The following CLEC16A variants were observed in gnomAD, a reference collection of about 807,000 sequenced individuals.
CLEC16A encodes protein CLEC16A.
In CLEC16A, 51 loss-of-function variants were observed where a neutral mutation model predicts 109.5. The observed-to-expected ratio is 0.47, with a 90% CI of 0.37 to 0.59. The LOEUF (loss-of-function observed/expected upper bound fraction) is 0.59. Among genes scored for constraint, CLEC16A ranks in the 20% least tolerant of loss-of-function variants. The pLI, the probability that CLEC16A is intolerant of heterozygous loss-of-function variation, is 0.00. For missense variants in CLEC16A, 1,339 were observed against 1,394.0 expected (o/e 0.96, Z 0.63); for synonymous variants, 673 against 564.2 (o/e 1.19, Z -2.73).
At chr16:11,023,175 T>A (rs1421888693) in intron 12 of CLEC16A, among the ~76,000 whole-genome samples, 1 of 150,876 alleles carries the variant, frequency 6.6e-6, no homozygotes, top group Non-Finnish European at 1.5e-5. Flanking sequence ...GACCGTATTG[T>A]GTCTATAATT....
At position 11,120,753 on chromosome 16, in the gene CLEC16A, C is replaced by G. The variant is rs771449411; in HGVS notation, c.2255C>G (p.Ala752Gly). The G allele has an allele frequency of 3.9e-6, 6 of 1,556,578 alleles. No homozygotes were observed. The highest frequency in any genetic ancestry group is 2.4e-5 in the East Asian group (1 of 42,212). Residue 752 changes from alanine to glycine, a missense_variant, in exon 20 of 24, where the codon GCA becomes GGA. This residue lies in a region of CLEC16A where 1,061 missense variants were observed against 1,006.8 expected (regional missense o/e 1.05). Coordinates refer to ENST00000409790, the MANE Select transcript of CLEC16A (RefSeq NM_015226.3). ...CTTGGCTGGGGAGTGGTCAAGTTTG[C>G]AGGCCTATTGCAGGTAAGATGGCCA... ...SRLGWGVVKF[A>G]GLLQDMQVTG...
intron 19 of CLEC16A, among the ~76,000 whole-genome samples, chr16:11,111,982 A>T (rs1346375140): frequency 1.3e-5 from 2 of 152,252 alleles, no homozygotes; most frequent in Non-Finnish European, 2.9e-5. Flanking sequence ...TTGTAGCAAA[A>T]GCTTCTAAAC....
intron 22 of CLEC16A, among the ~76,000 whole-genome samples, chr16:11,153,367 T>C (rs1207817356): frequency 6.6e-6 from 1 of 152,102 alleles, no homozygotes; most frequent in South Asian, 2.1e-4. Flanking sequence ...CTAAGGTTTT[T>C]ATGACCCCTG....
intron 22 of CLEC16A, among the ~76,000 whole-genome samples, chr16:11,163,223 C>T (rs534727548): frequency 6.6e-6 from 1 of 152,218 alleles, no homozygotes; most frequent in Admixed American, 6.5e-5. Flanking sequence ...CAGCACCCTC[C>T]TGATTCTCTG....
chr16:11,037,189 CAG>C, intron 13 of CLEC16A, among the ~76,000 whole-genome samples: 1 of 152,336 alleles, frequency 6.6e-6, no homozygotes, highest in East Asian at 1.9e-4. Context: ...CCCAGGGACA[CAG>C]AGGGGTGGCT....
At chr16:11,044,117 A>G in intron 16 of CLEC16A, 45 bp downstream of exon 16, 1 of 1,541,194 alleles carries the variant, frequency 6.5e-7, no homozygotes, top group African/African-American at 1.4e-5. Context: ...TGTGTATTGT[A>G]GAAACAGAAG....
At chr16:10,972,897 T>C in intron 6 of CLEC16A, 41 bp from the exon 7 acceptor site, 2 of 1,550,174 alleles carry the variant, frequency 1.3e-6, no homozygotes, top group Non-Finnish European at 8.7e-7. Flanking sequence ...CAAGTTATTT[T>C]TGGTAGCTTG....
chr16:11,022,757 G>A (rs866608338), intron 12 of CLEC16A, among the ~76,000 whole-genome samples: 2 of 151,760 alleles, frequency 1.3e-5, no homozygotes, highest in African/African-American at 4.8e-5. Flanking sequence ...AAATTAGCTG[G>A]GCGTGGTGGC....
rs1328753027 is a variant in CLEC16A at position 11,039,682 on chromosome 16, T to G, written c.1538-72T>G. 2.6e-6 allele frequency: 4 copies of G among 1,523,100 alleles called. No homozygotes were observed. In the South Asian group the frequency reaches 5.1e-5, roughly 19 times the overall value. 94.3% of individuals were successfully genotyped at this position (1,523,100 alleles called of 1,614,324 possible). On this transcript the variant is annotated intron_variant, in intron 13 of 23. Transcript: ENST00000409790. ...GGCTGAAGTTGAGGAAACCCCACTC[T>G]ACAGGACCTTTCGGTATGAGGAGGT...
chr16:11,037,126 C>T lies in CLEC16A; in HGVS notation c.1538-2628C>T, dbSNP rs140459822. Among the ~76,000 whole-genome samples, 23 of 152,320 alleles carry T rather than the reference C, an allele frequency of 1.5e-4. No homozygotes were observed. The East Asian group carries it at 2.7e-3, about 18-fold the overall frequency. On this transcript the variant is annotated intron_variant, in intron 13 of 23. Coordinates refer to ENST00000409790, the MANE Select transcript of CLEC16A (RefSeq NM_015226.3). ...AAACAAAGTTCCTCCCGCACCCCACCGCTAGGCTTCTCATTCCTGCTGTAC... is the reference window on the plus strand; with the variant it reads ...AAACAAAGTTCCTCCCGCACCCCACTGCTAGGCTTCTCATTCCTGCTGTAC...
chr16:11,136,770 A>G (rs894106058), intron 22 of CLEC16A, among the ~76,000 whole-genome samples: 3 of 152,200 alleles, frequency 2.0e-5, no homozygotes, highest in Admixed American at 1.3e-4. Context: ...GCTGGAGAAG[A>G]GCACAAATTG....
At chr16:11,155,826 A>G (rs1011431298) in intron 22 of CLEC16A, among the ~76,000 whole-genome samples, 4 of 152,162 alleles carry the variant, frequency 2.6e-5, no homozygotes, top group African/African-American at 4.8e-5. Context: ...ACACAAGCAA[A>G]TGGAATGGGT....
rs574654177 is a variant in CLEC16A at position 10,954,953 on chromosome 16, G to C, written c.81-2829G>C. Among the ~76,000 whole-genome samples the C allele has an allele frequency of 6.6e-6, 1 of 152,374 alleles. No homozygotes were observed. Among genetic ancestry groups the C allele is most frequent in the African/African-American group, 2.4e-5 (1 of 41,592 alleles). On this transcript the variant is annotated intron_variant, in intron 1 of 23. Coordinates refer to ENST00000409790, the MANE Select transcript of CLEC16A (RefSeq NM_015226.3). The surrounding 1 kb of genome is among the most constrained non-coding windows in gnomAD (Gnocchi z 4.2). ...CACCATGGCAGCCAAGCCTGCTTCT[G>C]TTGAGCCCTTGCTCTGTGCCAGGCG...
At chr16:11,028,281 T>C (rs1299605726) in intron 13 of CLEC16A, among the ~76,000 whole-genome samples, 1 of 152,210 alleles carries the variant, frequency 6.6e-6, no homozygotes, top group Non-Finnish European at 1.5e-5. Context: ...TCCAGTGTTT[T>C]CTACATTGGG....
chr16:11,144,284 G>C (rs2053961712), intron 22 of CLEC16A, among the ~76,000 whole-genome samples: 1 of 152,198 alleles, frequency 6.6e-6, no homozygotes, highest in Non-Finnish European at 1.5e-5. Flanking sequence ...GCCTGCAGCT[G>C]GACAGCGGCC....
chr16:11,001,845 G>A (rs1211998899), intron 10 of CLEC16A, among the ~76,000 whole-genome samples: 1 of 152,134 alleles, frequency 6.6e-6, no homozygotes, highest in Non-Finnish European at 1.5e-5. Flanking sequence ...GTCCTCTGGG[G>A]CGAGCTGATC....
chr16:11,159,429 CA>C (rs2054642825), intron 22 of CLEC16A, among the ~76,000 whole-genome samples: 1 of 152,222 alleles, frequency 6.6e-6, no homozygotes. Flanking sequence ...GTCTGATTTT[CA>C]AAAGTAGGAT....
chr16:11,012,334 G>A (rs904221782), intron 11 of CLEC16A, among the ~76,000 whole-genome samples: 3 of 152,278 alleles, frequency 2.0e-5, no homozygotes, highest in South Asian at 2.1e-4. Context: ...GGTGGCTTAC[G>A]CCTGTAATCC....
chr16:11,020,194 G>C lies in CLEC16A; in HGVS notation c.1305G>C (p.Glu435Asp). The stretch of plus-strand genomic sequence containing the variant: ...CCCAGTCTCCATTTTGGCTTCCAGA[G>C]ATCGAGATGGTGATCATGGAGCGTA... The part of the protein sequence containing the change: ...KGIKTSGESE[E>D]IEMVIMERSK... The change falls in exon 12 of 24, where the codon GAG becomes GAC. Residue 435 changes from glutamate (E) to aspartate (D), a missense_variant and splice_region_variant. By Grantham distance (45) the Glu-to-Asp change is conservative. Transcript: ENST00000409790. 1 of 1,609,710 alleles carries C rather than the reference G, an allele frequency of 6.2e-7. No individual in the cohort carries two copies. Among genetic ancestry groups the C allele is most frequent in the Middle Eastern group, 1.7e-4 (1 of 6,040 alleles).
Sources: gnomAD v4.1 joint callset for allele counts (sites outside exome capture counted in the v4.1 genomes callset) on GRCh38, gnomAD v4.1.1 for gene constraint, gnomAD v4.1.1 regional missense constraint, Gnocchi (gnomAD v3.1) non-coding constraint, MANE v1.5 for transcripts, NCBI Gene and HGNC (gene_info 2026-07-23, HGNC 2026-07-21) for gene names.